ITPR2: variants seen among roughly 807,000 people sequenced by gnomAD.
ITPR2 encodes inositol 1,4,5-trisphosphate-gated calcium channel ITPR2.
A neutral mutation model predicts 317.1 loss-of-function variants in ITPR2; 207 were observed. The observed-to-expected ratio is 0.65, with a 90% confidence interval of 0.58 to 0.73. The LOEUF is 0.73. ITPR2 is among the 30% of genes least tolerant of loss of function. ITPR2 has a pLI of 0.00. For missense variants in ITPR2, 2,613 were observed against 3,284.0 expected, an observed-to-expected ratio of 0.80 and a Z score of 4.99; for synonymous variants, 1,156 against 1,149.1, an observed-to-expected ratio of 1.01 and a Z score of -0.12.
intron 51 of ITPR2, among the ~76,000 whole-genome samples, chr12:26,414,044 TATATGTAC>T (rs1180004239): frequency 2.1e-4 from 14 of 67,306 alleles, no homozygotes; most frequent in Non-Finnish European, 3.3e-4. Flanking sequence ...TCTACATGTA[TATATGTAC>T]ACACACACAC....
chr12:26,733,794 A>G (rs1296292714), intron 2 of ITPR2, among the ~76,000 whole-genome samples: 1 of 152,214 alleles, frequency 6.6e-6, no homozygotes, highest in Non-Finnish European at 1.5e-5. Flanking sequence ...AAAAATCATA[A>G]TGTATAATTT....
rs757773178 is a variant in ITPR2 at position 26,436,368 on chromosome 12, G to A, written c.6644-22C>T. 5 of 1,592,908 alleles carry A rather than the reference G, an allele frequency of 3.1e-6. No individual in the cohort carries two copies. In the African/African-American group the frequency reaches 6.8e-5, roughly 22 times the overall value. ...TTATCTAGGAAGTGAGAAATGTAAA[G>A]GAACTGAACAGGAAAATACATTTTG... On this transcript the variant is annotated intron_variant, in intron 47 of 56. Transcript: ENST00000381340.
intron 34 of ITPR2, among the ~76,000 whole-genome samples, chr12:26,568,112 G>A (rs1367838162): frequency 1.3e-5 from 2 of 149,214 alleles, no homozygotes; most frequent in South Asian, 2.1e-4. Context: ...ATAAGGAAGA[G>A]CTAATAAATT....
At chr12:26,478,765 T>C (rs1191578643) in intron 43 of ITPR2, among the ~76,000 whole-genome samples, 2 of 151,956 alleles carry the variant, frequency 1.3e-5, no homozygotes, top group African/African-American at 4.8e-5. Context: ...ACAAAACAAA[T>C]CTTTACCTAT....
intron 24 of ITPR2, among the ~76,000 whole-genome samples, chr12:26,623,625 C>T (rs1946553298): frequency 6.6e-6 from 1 of 152,080 alleles, no homozygotes; most frequent in African/African-American, 2.4e-5. Context: ...TGGAATGTAA[C>T]CGTAGCAGAT....
Position 26,682,564 on chromosome 12 carries a change from T to G in ITPR2, c.1248+10A>C. On this transcript the variant is annotated intron_variant, in intron 12 of 56. Coordinates refer to ENST00000381340, the MANE Select transcript of ITPR2 (RefSeq NM_002223.4). The stretch of plus-strand genomic sequence containing the variant: ...TGGCTGAAAATTAAACCATCTTCAG[T>G]GACATTTACCTTTAACATAACAGGC... The G allele has an allele frequency of 3.7e-5, 58 of 1,552,094 alleles. No individual in the cohort carries two copies. The highest frequency in any genetic ancestry group is 4.9e-5 in the Non-Finnish European group (55 of 1,129,404).
At chr12:26,629,136 G>C (rs2136826683) in intron 22 of ITPR2, among the ~76,000 whole-genome samples, 1 of 152,246 alleles carries the variant, frequency 6.6e-6, no homozygotes, top group African/African-American at 2.4e-5. Flanking sequence ...TATACCACCT[G>C]TGTCCCATCC....
At chr12:26,518,118 T>C (rs905449411) in intron 37 of ITPR2, among the ~76,000 whole-genome samples, 1 of 152,104 alleles carries the variant, frequency 6.6e-6, no homozygotes, top group East Asian at 1.9e-4. Context: ...TGGAATCAAC[T>C]TAAACCCATC....
At chr12:26,768,752 T>A (rs1949787364) in intron 2 of ITPR2, among the ~76,000 whole-genome samples, 1 of 152,060 alleles carries the variant, frequency 6.6e-6, no homozygotes, top group African/African-American at 2.4e-5. Flanking sequence ...TGAGGCTTCC[T>A]ACAACAATTT....
In ITPR2 at chr12:26,575,623, T is replaced by C. The variant is rs139432953; in HGVS notation, c.4630+3090A>G. 5.4e-4 allele frequency among the ~76,000 whole-genome samples: 82 copies of C among 152,330 alleles called. No homozygotes were observed. The East Asian group carries it at 0.014, about 27-fold the overall frequency. Reference sequence around the variant, plus strand: ...ATTTTTTAGACTTATCACACATGTCTTTATAGCATACGAAAAGGAACTAAA... The same window carrying C: ...ATTTTTTAGACTTATCACACATGTCCTTATAGCATACGAAAAGGAACTAAA... On this transcript the variant is annotated intron_variant, in intron 34 of 56. Coordinates refer to ENST00000381340, the MANE Select transcript of ITPR2 (RefSeq NM_002223.4).
chr12:26,532,445 A>G (rs1302175635), intron 37 of ITPR2, among the ~76,000 whole-genome samples: 1 of 152,190 alleles, frequency 6.6e-6, no homozygotes. Flanking sequence ...CAATGGCACA[A>G]TCATGACTCA....
intron 2 of ITPR2, among the ~76,000 whole-genome samples, chr12:26,763,244 A>G (rs1949666983): frequency 6.6e-6 from 1 of 152,074 alleles, no homozygotes; most frequent in Non-Finnish European, 1.5e-5. Flanking sequence ...AAATATATAC[A>G]TTTTTTCTTT....
At chr12:26,451,986 C>T (rs1211164126) in intron 45 of ITPR2, among the ~76,000 whole-genome samples, 1 of 152,098 alleles carries the variant, frequency 6.6e-6, no homozygotes, top group Non-Finnish European at 1.5e-5. Context: ...TAATAGAATG[C>T]TTCTCAAAAT....
intron 1 of ITPR2, among the ~76,000 whole-genome samples, chr12:26,817,297 G>A (rs1270555417): frequency 6.6e-6 from 1 of 152,092 alleles, no homozygotes; most frequent in Non-Finnish European, 1.5e-5. Flanking sequence ...GATAATGCTG[G>A]GTGTAATGAC....
intron 2 of ITPR2, among the ~76,000 whole-genome samples, chr12:26,758,792 T>C (rs1435707643): frequency 1.3e-5 from 2 of 152,262 alleles, no homozygotes; most frequent in Non-Finnish European, 2.9e-5. Flanking sequence ...AAGAATTTCC[T>C]ACATTCTACT....
intron 46 of ITPR2, 45 bp downstream of exon 46, chr12:26,443,498 T>A: frequency 1.5e-5 from 22 of 1,454,910 alleles, no homozygotes; most frequent in Non-Finnish European, 2.1e-5. Context: ...GAAGTAAGCA[T>A]AACTTTTCAC....
intron 2 of ITPR2, among the ~76,000 whole-genome samples, chr12:26,769,042 A>G (rs963699017): frequency 4.7e-5 from 6 of 127,136 alleles, no homozygotes; most frequent in Admixed American, 4.0e-4. Context: ...TCTCAGCCAC[A>G]TAGTAAAACA....
chr12:26,492,895 ATGTGTGTGTGTATG>A (rs199976188), intron 39 of ITPR2, among the ~76,000 whole-genome samples: 1 of 140,664 alleles, frequency 7.1e-6, no homozygotes, highest in East Asian at 2.1e-4. Context: ...ATTGCACGAT[ATGTGTGTGTGTATG>A]TGTGTGTGTG....
chr12:26,628,641 C>T (rs1946677988), intron 22 of ITPR2, among the ~76,000 whole-genome samples: 2 of 152,284 alleles, frequency 1.3e-5, no homozygotes, highest in Middle Eastern at 3.4e-3. Flanking sequence ...AGCATCTATA[C>T]ACCATGGATT....
Sources: gnomAD v4.1 joint callset for allele counts (sites outside exome capture counted in the v4.1 genomes callset) on GRCh38, gnomAD v4.1.1 for gene constraint, MANE v1.5 for transcripts, NCBI Gene and HGNC (gene_info 2026-07-23, HGNC 2026-07-21) for gene names.